The following FCHSD1 variants were observed in gnomAD, a reference collection of about 807,000 sequenced individuals.
FCHSD1 encodes the protein F-BAR and double SH3 domains protein 1.
FCHSD1 carries 109 observed loss-of-function variants against 101.3 expected under a neutral mutation model. The ratio of observed to expected loss-of-function variants is 1.08; its 90% CI spans 0.92 to 1.26. FCHSD1 has a LOEUF of 1.26. Ranked by LOEUF, FCHSD1 falls within the 50% of genes most tolerant of loss-of-function variation. The pLI, the probability that FCHSD1 is intolerant of heterozygous loss-of-function variation, is 0.00. For synonymous variants in FCHSD1, 291 were observed against 356.8 expected, an observed-to-expected ratio of 0.82 and a Z score of 2.08; for missense variants, 820 against 895.8, an observed-to-expected ratio of 0.92 and a Z score of 1.08.
At chr5:141,650,055 T>C (rs1366058823) in intron 3 of FCHSD1, 101 bp from the exon 4 acceptor site, 3 of 1,254,106 alleles carry the variant, frequency 2.4e-6, no homozygotes, top group Non-Finnish European at 3.3e-6. Flanking sequence ...TTTGGGTACA[T>C]TATGTGCCAC....
At chr5:141,650,038 A>T (rs1451291027) in intron 3 of FCHSD1, 84 bp from the exon 4 acceptor site, 1 of 1,376,814 alleles carries the variant, frequency 7.3e-7, no homozygotes, top group Non-Finnish European at 9.8e-7. Flanking sequence ...GTATAATCAT[A>T]CCATTCTTTG....
intron 7 of FCHSD1, 98 bp from the exon 8 acceptor site, chr5:141,648,194 T>C: frequency 7.0e-7 from 1 of 1,436,768 alleles, no homozygotes; most frequent in Non-Finnish European, 9.3e-7. Flanking sequence ...CTCACATTAT[T>C]GAGTGCTTAC....
chr5:141,650,239 C>T (rs1308377721), intron 3 of FCHSD1, 120 bp downstream of exon 3: 5 of 1,301,618 alleles, frequency 3.8e-6, no homozygotes, highest in East Asian at 2.3e-5. Flanking sequence ...GGATCTGACA[C>T]CAGTCTGCTT....
At position 141,649,148 on chromosome 5, in the gene FCHSD1, C is replaced by A; in HGVS notation, c.512+24G>T. On this transcript the variant is annotated intron_variant, in intron 6 of 19. Coordinates refer to ENST00000435817, the MANE Select transcript of FCHSD1 (RefSeq NM_033449.3). The surrounding 1 kb of genome is among the most constrained non-coding windows in gnomAD (Gnocchi z 4.1). ...CACCTCCCTGTTCCCCAACCTTGGG[C>A]TTCCTCACTCTCCATGACCCCACCT... 6.2e-7 allele frequency: 1 copy of A among 1,613,962 alleles called. No individual in the cohort carries two copies. The highest frequency in any genetic ancestry group is 1.1e-5 in the South Asian group (1 of 91,088).
chr5:141,646,996 G>T, intron 10 of FCHSD1, 139 bp downstream of exon 10: 1 of 911,994 alleles, frequency 1.1e-6, no homozygotes, highest in Non-Finnish European at 1.6e-6. Flanking sequence ...CCTGTTGGGA[G>T]GGAGGTGAGC....
rs2099908119 is a variant in FCHSD1 at position 141,649,630 on chromosome 5, C to CACA, written c.234-95_234-94insTGT. On this transcript the variant is annotated intron_variant, in intron 4 of 19. Coordinates refer to ENST00000435817, the MANE Select transcript of FCHSD1 (RefSeq NM_033449.3). The surrounding 1 kb of genome is among the most constrained non-coding windows in gnomAD (Gnocchi z 4.1). ...GCCCCCTGACCAACACCATGGGAGACAGAGTGCTTTCCCATCCTCCCTTGT... is the reference window on the plus strand; with the variant it reads ...GCCCCCTGACCAACACCATGGGAGACACAAGAGTGCTTTCCCATCCTCCCTTGT... The CACA allele has an allele frequency of 2.0e-6, 3 of 1,466,054 alleles. No individual in the cohort carries two copies. Among genetic ancestry groups the CACA allele is most frequent in the Non-Finnish European group, 2.7e-6 (3 of 1,100,052 alleles). The allele number at this position is 1,466,054 out of a possible 1,614,324, so 90.8% of individuals were successfully genotyped here.
At position 141,639,351 on chromosome 5, in the gene FCHSD1, T is replaced by C. The variant is rs1302760079; in HGVS notation, c.*2147A>G. ...AGATAAAGACAAGAAAAAATGGGGCTTGGGGAAATTGGGGCTTCTGGGGTT... is the reference window on the plus strand; with the variant it reads ...AGATAAAGACAAGAAAAAATGGGGCCTGGGGAAATTGGGGCTTCTGGGGTT... On this transcript the variant is annotated 3_prime_UTR_variant, in exon 20 of 20. Transcript: ENST00000435817. This position sits in a 1 kb window ranked among gnomAD's most constrained non-coding sequence, Gnocchi z 4.4. The C allele has an allele frequency of 2.1e-5, 17 of 807,500 alleles. No individual in the cohort carries two copies. Among genetic ancestry groups the C allele is most frequent in the Non-Finnish European group, 3.3e-5 (17 of 517,234 alleles). The allele number at this position is 807,500 out of a possible 1,614,324, so 50.0% of individuals were successfully genotyped here. A position where few individuals can be genotyped will look rare whatever the true frequency, so the allele number is the denominator to read the frequency against.
In FCHSD1 at chr5:141,649,594, C is replaced by T; in HGVS notation, c.234-58G>A. The T allele has an allele frequency of 7.0e-6, 11 of 1,563,188 alleles. No homozygotes were observed. Among genetic ancestry groups the T allele is most frequent in the Non-Finnish European group, 9.5e-6 (11 of 1,157,606 alleles). On this transcript the variant is annotated intron_variant, in intron 4 of 19. Transcript: ENST00000435817. The surrounding 1 kb of genome is among the most constrained non-coding windows in gnomAD (Gnocchi z 4.1). ...GCACTCCACAGCTTCATGAGACCAC[C>T]CCCACCCCCTGCCCCCTGACCAACA...
rs1477710155 is a variant in FCHSD1, at chr5:141,649,771, C to G, written c.233+116G>C. ...CTCCTCTGCTGCTGCTGTGTCAGCTCTACCTACAGCTCACGTGCCTTCCCC... is the reference window on the plus strand; with the variant it reads ...CTCCTCTGCTGCTGCTGTGTCAGCTGTACCTACAGCTCACGTGCCTTCCCC... On this transcript the variant is annotated intron_variant, in intron 4 of 19. Coordinates refer to ENST00000435817, the MANE Select transcript of FCHSD1 (RefSeq NM_033449.3). This position sits in a 1 kb window ranked among gnomAD's most constrained non-coding sequence, Gnocchi z 4.1. 14 of 1,295,780 alleles carry G rather than the reference C, an allele frequency of 1.1e-5. No individual in the cohort carries two copies. The highest frequency in any genetic ancestry group is 1.2e-5 in the Non-Finnish European group (11 of 948,246). The allele number at this position is 1,295,780 out of a possible 1,614,324, so 80.3% of individuals were successfully genotyped here. A position where few individuals can be genotyped will look rare whatever the true frequency, so the allele number is the denominator to read the frequency against.
rs774979988 is a variant in FCHSD1 at position 141,649,178 on chromosome 5, TG to T, written c.505del (p.Gln169ArgfsTer4). Reference protein sequence around the residue: ...ALAQEKAADVQARLNRSDHGI... With the variant: ...ALAQEKAADVXARLNRSDHGI... Reference sequence around the variant, plus strand: ...TCACTCTCCATGACCCCACCTGGCCTGGACATCAGCCGCCTTCTCCTGTGCC... The same window carrying T: ...TCACTCTCCATGACCCCACCTGGCCTGACATCAGCCGCCTTCTCCTGTGCC... On this transcript the variant is annotated frameshift_variant, in exon 6 of 20. Transcript: ENST00000435817. LOFTEE classifies it high-confidence loss of function. The surrounding 1 kb of genome is among the most constrained non-coding windows in gnomAD (Gnocchi z 4.1). 1.9e-6 allele frequency: 3 copies of T among 1,613,974 alleles called. No individual in the cohort carries two copies. In the Admixed American group the frequency reaches 5.0e-5, roughly 27 times the overall value.
chr5:141,639,481 G>T lies in FCHSD1; in HGVS notation c.*2017C>A, dbSNP rs554721773. 8 of 1,612,038 alleles carry T rather than the reference G, an allele frequency of 5.0e-6. No individual in the cohort carries two copies. The South Asian group carries it at 8.8e-5, about 18-fold the overall frequency. On this transcript the variant is annotated 3_prime_UTR_variant, in exon 20 of 20. Transcript: ENST00000435817. The surrounding 1 kb of genome is among the most constrained non-coding windows in gnomAD (Gnocchi z 4.4). ...CTGTCCAGTGTGGATGCCACCTCCA[G>T]CCTGCAGGACGGAGCCCCCTCCCAT... is the stretch of plus-strand genomic sequence containing the variant.
rs1286682891 is a variant in FCHSD1 at position 141,648,981 on chromosome 5, G to A, written c.552C>T (p.Thr184=). ...CCTTGGTGCTCAGTTTCTGGAGACT[G>A]GTCCGAGAGTGGAAGATCCCATGGT... The part of the protein sequence containing the change: ...RSDHGIFHSR[T]SLQKLSTKLS... The change falls in exon 7 of 20, where the codon ACC becomes ACT. Residue 184 remains threonine, a synonymous_variant. Coordinates refer to ENST00000435817, the MANE Select transcript of FCHSD1 (RefSeq NM_033449.3). 2.5e-6 allele frequency: 4 copies of A among 1,613,800 alleles called. No individual in the cohort carries two copies. The highest frequency in any genetic ancestry group is 3.4e-6 in the Non-Finnish European group (4 of 1,179,882).
chr5:141,649,862 G>A lies in FCHSD1; in HGVS notation c.233+25C>T. The A allele has an allele frequency of 6.5e-7, 1 of 1,541,472 alleles. No homozygotes were observed. Among genetic ancestry groups the A allele is most frequent in the Non-Finnish European group, 8.7e-7 (1 of 1,144,708 alleles). On this transcript the variant is annotated intron_variant, in intron 4 of 19. Transcript: ENST00000435817. The surrounding 1 kb of genome is among the most constrained non-coding windows in gnomAD (Gnocchi z 4.1). ...CTCCCCATCACTTTTTGGCCTCTGT[G>A]GCCCTCCCCCTCCATAGGGCCCACC... is the stretch of plus-strand genomic sequence containing the variant.
rs1342229111 is a variant in FCHSD1, at chr5:141,648,052, G to A, written c.621C>T (p.Ala207=). The A allele has an allele frequency of 6.2e-7, 1 of 1,613,576 alleles. No individual in the cohort carries two copies. The highest frequency in any genetic ancestry group is 1.1e-5 in the South Asian group (1 of 91,048). The change falls in exon 8 of 20, where the codon GCC becomes GCT. Residue 207 remains alanine, a synonymous_variant. Transcript: ENST00000435817. The part of the protein sequence containing the change: ...SAQYSQQLQA[A]RNEYLLNLVA... ...CCAAGTTAAGCAGGTACTCATTGCGGGCTGCTTGCAGCTGCTGGGAGTACT... is the reference window on the plus strand; with the variant it reads ...CCAAGTTAAGCAGGTACTCATTGCGAGCTGCTTGCAGCTGCTGGGAGTACT...
Position 141,639,503 on chromosome 5 carries a change from C to G in FCHSD1, c.*1995G>C. On this transcript the variant is annotated 3_prime_UTR_variant, in exon 20 of 20. Transcript: ENST00000435817. The surrounding 1 kb of genome is among the most constrained non-coding windows in gnomAD (Gnocchi z 4.4). ...CCAGCCTGCAGGACGGAGCCCCCTC[C>G]CATCATCACACAGTGCACCTGGGCT... 6.2e-7 allele frequency: 1 copy of G among 1,613,980 alleles called. No individual in the cohort carries two copies. Among genetic ancestry groups the G allele is most frequent in the Non-Finnish European group, 8.5e-7 (1 of 1,179,960 alleles).
In FCHSD1 at chr5:141,649,628, GAC is replaced by G. The variant is rs1339429765; in HGVS notation, c.234-94_234-93del. ...CTGCCCCCTGACCAACACCATGGGA[GAC>G]AGAGTGCTTTCCCATCCTCCCTTGT... On this transcript the variant is annotated intron_variant, in intron 4 of 19. Coordinates refer to ENST00000435817, the MANE Select transcript of FCHSD1 (RefSeq NM_033449.3). The surrounding 1 kb of genome is among the most constrained non-coding windows in gnomAD (Gnocchi z 4.1). 21 of 1,469,094 alleles carry G rather than the reference GAC, an allele frequency of 1.4e-5. No individual in the cohort carries two copies. In the African/African-American group the frequency reaches 2.4e-4, roughly 17 times the overall value. 91.0% of individuals were successfully genotyped at this position (1,469,094 alleles called of 1,614,324 possible).
intron 2 of FCHSD1, 50 bp downstream of exon 2, chr5:141,650,970 G>A: frequency 6.7e-7 from 1 of 1,501,690 alleles, no homozygotes; most frequent in South Asian, 1.2e-5. Flanking sequence ...GGGGAGAAGT[G>A]GCGCACAACG....
At chr5:141,646,053 A>C in intron 12 of FCHSD1, 34 bp downstream of exon 12, 1 of 1,582,998 alleles carries the variant, frequency 6.3e-7, no homozygotes, top group South Asian at 1.1e-5. Context: ...TTGCCTGAGA[A>C]GGTGGGATCT....
At chr5:141,651,143 A>G in intron 1 of FCHSD1, 26 bp from the exon 2 acceptor site, 2 of 1,551,628 alleles carry the variant, frequency 1.3e-6, no homozygotes, top group Non-Finnish European at 1.7e-6. Context: ...GAGGATGAAG[A>G]CCCCAGCGCA....
Sources: gnomAD v4.1 joint callset for allele counts on GRCh38, gnomAD v4.1.1 for gene constraint, Gnocchi (gnomAD v3.1) non-coding constraint, MANE v1.5 for transcripts, NCBI Gene and HGNC (gene_info 2026-07-23, HGNC 2026-07-21) for gene names.